Variants in PITPNC1 observed in about 807,000 individuals in gnomAD.
The protein encoded by PITPNC1 is cytoplasmic phosphatidylinositol transfer protein 1.
In PITPNC1, 18 loss-of-function variants were observed where a neutral mutation model predicts 44.7. That is an observed-to-expected ratio of 0.40 (90% CI 0.28 to 0.60). The LOEUF (loss-of-function observed/expected upper bound fraction) is 0.60. Among genes scored for constraint, PITPNC1 ranks in the 20% least tolerant of loss-of-function variants. PITPNC1 has a pLI of 0.39. For missense variants in PITPNC1, 290 were observed against 418.4 expected, an observed-to-expected ratio of 0.69 and a Z score of 2.68; for synonymous variants, 141 against 149.6, an observed-to-expected ratio of 0.94 and a Z score of 0.42.
At chr17:67,412,523 C>T (rs1331754951) in intron 1 of PITPNC1, among the ~76,000 whole-genome samples, 1 of 152,170 alleles carries the variant, frequency 6.6e-6, no homozygotes, top group Non-Finnish European at 1.5e-5. Context: ...GAAATCAGAA[C>T]ATGACAAGAT....
rs1390402950 is a variant in PITPNC1, at chr17:67,696,904, C to T, written c.*4016C>T. 1 of 152,210 alleles carries T rather than the reference C, an allele frequency of 6.6e-6. No homozygotes were observed. Among genetic ancestry groups the T allele is most frequent in the Non-Finnish European group, 1.5e-5 (1 of 68,038 alleles). The allele number at this position is 152,210 out of a possible 1,614,324, so 9.4% of individuals were successfully genotyped here. A position where few individuals can be genotyped will look rare whatever the true frequency, so the allele number is the denominator to read the frequency against. On this transcript the variant is annotated 3_prime_UTR_variant, in exon 9 of 9. Coordinates refer to ENST00000581322, the MANE Select transcript of PITPNC1 (RefSeq NM_012417.4). ...TGCTTTAAATTGAAAGCATGTCTGT[C>T]AAATTGCAAGTCTCCCTTCAGTTTC...
chr17:67,379,289 G>A, intron 1 of PITPNC1: 1 of 985,142 alleles, frequency 1.0e-6, no homozygotes, highest in Non-Finnish European at 1.2e-6. Flanking sequence ...GCCACTACTT[G>A]GTGAGAGGGG....
chr17:67,626,729 TAGG>T, intron 5 of PITPNC1, among the ~76,000 whole-genome samples: 1 of 151,500 alleles, frequency 6.6e-6, no homozygotes, highest in Non-Finnish European at 1.5e-5. Context: ...CAGCCCATAG[TAGG>T]AGGCTGTCAC....
At chr17:67,384,824 A>G (rs1184984713) in intron 1 of PITPNC1, among the ~76,000 whole-genome samples, 3 of 152,250 alleles carry the variant, frequency 2.0e-5, no homozygotes, top group Admixed American at 6.5e-5. Flanking sequence ...GCTGGCGTCA[A>G]TACCTCTGAA....
chr17:67,431,199 T>C (rs988752916), intron 1 of PITPNC1, among the ~76,000 whole-genome samples: 8 of 151,584 alleles, frequency 5.3e-5, no homozygotes, highest in Admixed American at 4.6e-4. Flanking sequence ...GCTGGGACTA[T>C]AGGCGCCCAC....
intron 2 of PITPNC1, among the ~76,000 whole-genome samples, chr17:67,537,831 G>C (rs570444418): frequency 2.0e-5 from 3 of 151,744 alleles, no homozygotes; most frequent in Non-Finnish European, 4.4e-5. Context: ...AATTAGCCAG[G>C]CATGGTGGCG....
intron 1 of PITPNC1, among the ~76,000 whole-genome samples, chr17:67,423,479 T>C (rs2949953): frequency 0.12 from 17,624 of 152,106 alleles, 1,469 homozygotes; most frequent in African/African-American, 0.24. Flanking sequence ...GAAACCTGAA[T>C]ATTAGTATTT....
chr17:67,634,956 G>A (rs1467263423), intron 6 of PITPNC1, among the ~76,000 whole-genome samples: 1 of 152,170 alleles, frequency 6.6e-6, no homozygotes, highest in Non-Finnish European at 1.5e-5. Flanking sequence ...AGAAGACTGA[G>A]GCAGGAGAAT....
In PITPNC1 at chr17:67,400,091, G is replaced by A. The variant is rs75980579; in HGVS notation, c.48+21889G>A. On this transcript the variant is annotated intron_variant, in intron 1 of 8. Transcript: ENST00000581322. ...TGAAAACACCTGGTGATCATGATGG[G>A]CTAGGTACTGTTTCACACTTTAAAA... is the stretch of plus-strand genomic sequence containing the variant. Among the ~76,000 whole-genome samples, 1,522 of 152,262 alleles carry A rather than the reference G, an allele frequency of 1.0e-2. 23 individuals are homozygous for A. The highest frequency in any genetic ancestry group is 0.034 in the African/African-American group (1,409 of 41,556).
At chr17:67,472,899 G>A (rs1030397083) in intron 1 of PITPNC1, among the ~76,000 whole-genome samples, 5 of 149,816 alleles carry the variant, frequency 3.3e-5, no homozygotes, top group East Asian at 2.0e-4. Context: ...TTTTTTTGAC[G>A]GAGTCTTGCT....
intron 5 of PITPNC1, among the ~76,000 whole-genome samples, chr17:67,589,792 A>AC (rs1162177382): frequency 2.0e-5 from 3 of 152,156 alleles, no homozygotes; most frequent in Non-Finnish European, 2.9e-5. Flanking sequence ...ACATGGTGAA[A>AC]CCCCATCTCT....
Position 67,597,535 on chromosome 17 carries a change from CAG to C in PITPNC1, c.366+19281_366+19282del, listed in dbSNP as rs936880023. 3.1e-4 allele frequency among the ~76,000 whole-genome samples: 47 copies of C among 152,118 alleles called. No individual in the cohort carries two copies. The highest frequency in any genetic ancestry group is 1.1e-3 in the African/African-American group (45 of 41,516). ...TGCTGCTGTACTCCAGCCTAGGCGA[CAG>C]AGTGATTGAGACTCCATCTCAACAA... On this transcript the variant is annotated intron_variant, in intron 5 of 8. Coordinates refer to ENST00000581322, the MANE Select transcript of PITPNC1 (RefSeq NM_012417.4). This position sits in a 1 kb window ranked among gnomAD's most constrained non-coding sequence, Gnocchi z 4.0.
chr17:67,591,430 A>T (rs1308618596), intron 5 of PITPNC1, among the ~76,000 whole-genome samples: 1 of 152,212 alleles, frequency 6.6e-6, no homozygotes, highest in East Asian at 1.9e-4. Flanking sequence ...GTATTATATC[A>T]ATGTTAAACT....
At chr17:67,666,275 C>T (rs1205928072) in intron 6 of PITPNC1, among the ~76,000 whole-genome samples, 1 of 152,192 alleles carries the variant, frequency 6.6e-6, no homozygotes, top group East Asian at 1.9e-4. Context: ...GGATTAAAGG[C>T]GTGAGCCACT....
At position 67,478,900 on chromosome 17, in the gene PITPNC1, A is replaced by AATAT. The variant is rs1346895570; in HGVS notation, c.49-53893_49-53890dup. On this transcript the variant is annotated intron_variant, in intron 1 of 8. Coordinates refer to ENST00000581322, the MANE Select transcript of PITPNC1 (RefSeq NM_012417.4). ...CTTTCTTCAATCTTTTTTTTTTTTT[A>AATAT]ATATATATATATTTCTTTCTTCTCC... is the stretch of plus-strand genomic sequence containing the variant. Among the ~76,000 whole-genome samples, 3 of 150,230 alleles carry AATAT rather than the reference A, an allele frequency of 2.0e-5. No homozygotes were observed. In the East Asian group the frequency reaches 5.9e-4, roughly 29 times the overall value.
intron 1 of PITPNC1, among the ~76,000 whole-genome samples, chr17:67,452,140 G>A (rs1294199831): frequency 6.6e-6 from 1 of 151,788 alleles, no homozygotes; most frequent in African/African-American, 2.4e-5. Context: ...TGAGTAGCTG[G>A]GACTACAGGC....
At chr17:67,571,400 C>G (rs1055922138) in intron 4 of PITPNC1, among the ~76,000 whole-genome samples, 1 of 152,132 alleles carries the variant, frequency 6.6e-6, no homozygotes, top group African/African-American at 2.4e-5. Context: ...TGCATTCAAG[C>G]CTGGGCAACA....
chr17:67,378,213 C>T lies in PITPNC1; in HGVS notation c.48+11C>T. 1 of 1,517,466 alleles carries T rather than the reference C, an allele frequency of 6.6e-7. No individual in the cohort carries two copies. The highest frequency in any genetic ancestry group is 8.8e-7 in the Non-Finnish European group (1 of 1,134,692). The allele number at this position is 1,517,466 out of a possible 1,614,324, so 94.0% of individuals were successfully genotyped here. ...CTCACCGTAGACGAGGTAAGCGCCG[C>T]GCCCGGCCCGGCCTCGCCCGCTCCG... On this transcript the variant is annotated intron_variant, in intron 1 of 8. Transcript: ENST00000581322.
intron 1 of PITPNC1, among the ~76,000 whole-genome samples, chr17:67,414,721 A>G (rs1275811693): frequency 6.6e-6 from 1 of 152,120 alleles, no homozygotes; most frequent in Admixed American, 6.5e-5. Context: ...CACAAAATAA[A>G]TACAAACAGA....
Sources: gnomAD v4.1 joint callset for allele counts (sites outside exome capture counted in the v4.1 genomes callset) on GRCh38, gnomAD v4.1.1 for gene constraint, Gnocchi (gnomAD v3.1) non-coding constraint, MANE v1.5 for transcripts, NCBI Gene and HGNC (gene_info 2026-07-23, HGNC 2026-07-21) for gene names.